The following IFT74 variants were observed in gnomAD, a reference collection of about 807,000 sequenced individuals.
The protein encoded by IFT74 is intraflagellar transport 74.
A neutral mutation model predicts 96.7 loss-of-function variants in IFT74; 92 were observed. The ratio of observed to expected loss-of-function variants is 0.95; its 90% CI spans 0.80 to 1.13. The LOEUF is 1.13. Among genes scored for constraint, IFT74 ranks in the 50% most tolerant of loss-of-function variants. The pLI is 0.00. For missense variants in IFT74, 811 were observed against 698.2 expected, an observed-to-expected ratio of 1.16 and a Z score of -1.82; for synonymous variants, 223 against 213.2, an observed-to-expected ratio of 1.05 and a Z score of -0.40.
intron 8 of IFT74, among the ~76,000 whole-genome samples, chr9:27,007,958 A>G (rs1828872873): frequency 6.6e-6 from 1 of 152,236 alleles, no homozygotes; most frequent in Non-Finnish European, 1.5e-5. Context: ...GACCTTGCCT[A>G]GGCAACAAGT....
chr9:27,029,416 T>G (rs1383984650), intron 13 of IFT74, among the ~76,000 whole-genome samples: 2 of 152,202 alleles, frequency 1.3e-5, no homozygotes, highest in African/African-American at 4.8e-5. Context: ...CCTCCTAAGT[T>G]ACACTTCCTT....
intron 8 of IFT74, among the ~76,000 whole-genome samples, chr9:27,004,185 G>A (rs1333476251): frequency 1.3e-5 from 2 of 152,160 alleles, no homozygotes; most frequent in South Asian, 2.1e-4. Context: ...AAATGGAGAC[G>A]GAGTATGGTT....
At chr9:27,029,969 C>A (rs1830046986) in intron 13 of IFT74, among the ~76,000 whole-genome samples, 1 of 151,970 alleles carries the variant, frequency 6.6e-6, no homozygotes, top group South Asian at 2.1e-4. Flanking sequence ...AATGCAGGTA[C>A]CAGAACACCT....
chr9:26,950,016 A>AAAGC (rs1825880800), intron 1 of IFT74, among the ~76,000 whole-genome samples: 1 of 152,222 alleles, frequency 6.6e-6, no homozygotes. Flanking sequence ...GCTCTATAGA[A>AAAGC]AAGCAAGCTA....
intron 12 of IFT74, among the ~76,000 whole-genome samples, chr9:27,023,478 T>C (rs934326802): frequency 6.6e-6 from 1 of 152,230 alleles, no homozygotes; most frequent in Non-Finnish European, 1.5e-5. Context: ...CTTGTGTATG[T>C]TCACTCATCC....
chr9:27,037,782 A>G (rs1819270854), intron 13 of IFT74, among the ~76,000 whole-genome samples: 1 of 152,202 alleles, frequency 6.6e-6, no homozygotes, highest in Non-Finnish European at 1.5e-5. Context: ...GCAACACAAT[A>G]GGAAGGCTTG....
chr9:26,976,689 CA>C (rs1156281283), intron 2 of IFT74: 4 of 447,728 alleles, frequency 8.9e-6, no homozygotes, highest in South Asian at 6.4e-5. Context: ...AGAAGAAAGG[CA>C]GGGGGTACCT....
rs748518321 is a variant in IFT74 at position 26,997,731 on chromosome 9, A to G, written c.587+7536A>G. ...TTGCTTAATTATGATAGCTTACCTA[A>G]TGTCACATTTGATGTGTTCAACCAG... On this transcript the variant is annotated intron_variant, in intron 8 of 19. Transcript: ENST00000380062. 1.9e-6 allele frequency: 3 copies of G among 1,589,908 alleles called. No individual in the cohort carries two copies. The African/African-American group carries it at 4.1e-5, about 22-fold the overall frequency.
At chr9:26,962,258 G>A (rs1174241342) in intron 2 of IFT74, among the ~76,000 whole-genome samples, 171 bp downstream of exon 2, 2 of 152,162 alleles carry the variant, frequency 1.3e-5, no homozygotes, top group South Asian at 2.1e-4. Context: ...TGTGGTAGAA[G>A]TTGGAAATCC....
At chr9:26,947,205 AG>A (rs1253538561) in intron 1 of IFT74, 1 of 824,642 alleles carries the variant, frequency 1.2e-6, no homozygotes, top group African/African-American at 1.8e-5. Flanking sequence ...GCGGCTGGGA[AG>A]GGGCGCGCCG....
chr9:27,029,179 A>G, intron 13 of IFT74, 75 bp downstream of exon 13: 1 of 1,123,800 alleles, frequency 8.9e-7, no homozygotes. Context: ...CTGGTGTCTC[A>G]GAGACTGTTC....
chr9:26,989,702 G>T (rs1360417149), intron 7 of IFT74, among the ~76,000 whole-genome samples: 5 of 152,220 alleles, frequency 3.3e-5, no homozygotes, highest in South Asian at 2.1e-4. Flanking sequence ...GGGATGGGGG[G>T]TCTGTTTTCT....
At chr9:26,966,332 A>G (rs535164271) in intron 2 of IFT74, among the ~76,000 whole-genome samples, 9 of 152,030 alleles carry the variant, frequency 5.9e-5, no homozygotes, top group Non-Finnish European at 1.0e-4. Context: ...ATTTGTCAGC[A>G]TTTGCTATTG....
In IFT74 at chr9:27,062,836, C is replaced by T. The variant is rs1414794088; in HGVS notation, c.*100C>T. On this transcript the variant is annotated 3_prime_UTR_variant, in exon 20 of 20. Transcript: ENST00000380062. ...AAAAAAAGCTTACTTTTGGAGTTTA[C>T]CTAAAATTTCTGAATGTTATAATTT... The T allele has an allele frequency of 4.4e-6, 3 of 684,172 alleles. No homozygotes were observed. Among genetic ancestry groups the T allele is most frequent in the Middle Eastern group, 5.0e-4 (2 of 4,030 alleles). The allele number at this position is 684,172 out of a possible 1,614,324, so 42.4% of individuals were successfully genotyped here.
chr9:26,949,828 T>C (rs1825876498), intron 1 of IFT74, among the ~76,000 whole-genome samples: 4 of 152,176 alleles, frequency 2.6e-5, no homozygotes, highest in Admixed American at 6.5e-5. Context: ...ACCTGAGTCA[T>C]TTCTGAGGAG....
Position 27,062,713 on chromosome 9 carries a change from T to G in IFT74, c.1780T>G (p.Leu594Val). The change falls in exon 20 of 20, where the codon TTA (leucine) becomes GTA (valine). Residue 594 changes from leucine (L) to valine (V), a missense_variant. By Grantham distance (32) the Leu-to-Val change is conservative (BLOSUM62 1). Coordinates refer to ENST00000380062, the MANE Select transcript of IFT74 (RefSeq NM_025103.4). ...GTACAATAAAACCATCGTGGATGCT[T>G]TACATAGCACCAGCGGAAACTGAGT... is the stretch of plus-strand genomic sequence containing the variant. ...AEYNKTIVDA[L>V]HSTSGN 1 of 1,596,954 alleles carries G rather than the reference T, an allele frequency of 6.3e-7. No homozygotes were observed. Among genetic ancestry groups the G allele is most frequent in the South Asian group, 1.1e-5 (1 of 89,372 alleles).
At chr9:27,021,697 A>G (rs1431138516) in intron 12 of IFT74, among the ~76,000 whole-genome samples, 1 of 150,094 alleles carries the variant, frequency 6.7e-6, no homozygotes, top group African/African-American at 2.5e-5. Flanking sequence ...TTTCTTGCTG[A>G]TTTGTTTGAA....
chr9:27,036,377 A>C, intron 13 of IFT74: 1 of 1,555,990 alleles, frequency 6.4e-7, no homozygotes, highest in Admixed American at 2.0e-5. Flanking sequence ...CATTAAGCTT[A>C]TATGTACTCT....
At chr9:26,976,499 A>G (rs1335265519) in intron 2 of IFT74, 1 of 303,280 alleles carries the variant, frequency 3.3e-6, no homozygotes, top group East Asian at 8.3e-5. Context: ...ACTAGACCCA[A>G]TTGGCTAAAC....
Sources: gnomAD v4.1 joint callset for allele counts (sites outside exome capture counted in the v4.1 genomes callset) on GRCh38, gnomAD v4.1.1 for gene constraint, MANE v1.5 for transcripts, NCBI Gene and HGNC (gene_info 2026-07-23, HGNC 2026-07-21) for gene names.